Variants in CLEC2A observed in about 807,000 individuals in gnomAD.
CLEC2A encodes the protein C-type lectin domain family 2 member A.
In CLEC2A, 19 loss-of-function variants were observed where a neutral mutation model predicts 18.6. That is an observed-to-expected ratio of 1.02 (90% CI 0.71 to 1.50). CLEC2A has a LOEUF of 1.50. Ranked by LOEUF, CLEC2A falls within the 40% of genes most tolerant of loss-of-function variation. The pLI is 0.00. For missense variants in CLEC2A, 190 were observed against 207.9 expected (o/e 0.91, Z 0.53); for synonymous variants, 74 against 64.0 (o/e 1.16, Z -0.75).
At chr12:9,881,836 G>T in the CLEC2A span, among the ~76,000 whole-genome samples, 2 of 152,094 alleles carry the variant, frequency 1.3e-5, no homozygotes, top group Non-Finnish European at 2.9e-5. Context: ...ACAATAAAAA[G>T]TCTGCATTTT....
chr12:9,878,886 T>G, the CLEC2A span, among the ~76,000 whole-genome samples: 1 of 152,238 alleles, frequency 6.6e-6, no homozygotes, highest in East Asian at 1.9e-4. Flanking sequence ...GTGAACCGAT[T>G]TTTTAGGAGG....
chr12:9,886,917 G>A, the CLEC2A span, among the ~76,000 whole-genome samples: 1 of 152,118 alleles, frequency 6.6e-6, no homozygotes, highest in African/African-American at 2.4e-5. Context: ...GGAGTAGTGT[G>A]TAGGTCTACT....
chr12:9,926,037 A>G (rs1011405939), intron 2 of CLEC2A, among the ~76,000 whole-genome samples: 1 of 152,202 alleles, frequency 6.6e-6, no homozygotes, highest in Non-Finnish European at 1.5e-5. Flanking sequence ...TTAAGCATCA[A>G]GGACTATAAA....
At chr12:9,898,727 G>A (rs556182600) in exon 5 of CLEC2A, 2 of 499,246 alleles carry the variant, frequency 4.0e-6, no homozygotes, top group Admixed American at 6.0e-5. Flanking sequence ...CCTATTAACT[G>A]TGAATCAAAG....
chr12:9,888,206 G>A, the CLEC2A span, among the ~76,000 whole-genome samples: 1 of 151,318 alleles, frequency 6.6e-6, no homozygotes, highest in Non-Finnish European at 1.5e-5. Context: ...ATTTAGAATT[G>A]CAGGCCGGGC....
the CLEC2A span, among the ~76,000 whole-genome samples, chr12:9,889,792 G>A: frequency 2.0e-5 from 3 of 151,766 alleles, no homozygotes; most frequent in Non-Finnish European, 4.4e-5. Context: ...TAAGAACATA[G>A]GCTATAGAAC....
At chr12:9,924,471 T>C (rs970740066) in intron 2 of CLEC2A, among the ~76,000 whole-genome samples, 2 of 112,680 alleles carry the variant, frequency 1.8e-5, no homozygotes, top group Non-Finnish European at 3.7e-5. Context: ...CCCAACCCAA[T>C]CAAACCAAAA....
At chr12:9,893,629 C>A in the CLEC2A span, 31 of 492,918 alleles carry the variant, frequency 6.3e-5, no homozygotes, top group East Asian at 1.0e-3. Context: ...TTTTTTCCTT[C>A]TTTCTCTGTT....
At chr12:9,899,662 G>A (rs1862799284) in intron 4 of CLEC2A, among the ~76,000 whole-genome samples, 1 of 152,222 alleles carries the variant, frequency 6.6e-6, no homozygotes, top group Non-Finnish European at 1.5e-5. Context: ...TGAAGCAGGG[G>A]AGGCTAGAGA....
At chr12:9,904,204 C>T (rs947944581) in intron 4 of CLEC2A, among the ~76,000 whole-genome samples, 3 of 152,266 alleles carry the variant, frequency 2.0e-5, no homozygotes, top group East Asian at 3.9e-4. Flanking sequence ...GGATGGACCT[C>T]GGGGACTGAC....
downstream of CLEC2A, among the ~76,000 whole-genome samples, chr12:9,896,611 A>G (rs1392956515): frequency 6.6e-6 from 1 of 152,112 alleles, no homozygotes; most frequent in Non-Finnish European, 1.5e-5. Flanking sequence ...AAATGAAAAA[A>G]CTACAATAAC....
the CLEC2A span, chr12:9,884,963 C>A: frequency 7.6e-7 from 1 of 1,323,666 alleles, no homozygotes; most frequent in Non-Finnish European, 9.8e-7. Flanking sequence ...ATATTATTGT[C>A]TTCTGCTCAT....
chr12:9,904,348 C>A (rs1435216092), intron 4 of CLEC2A, among the ~76,000 whole-genome samples: 1 of 152,114 alleles, frequency 6.6e-6, no homozygotes, highest in Non-Finnish European at 1.5e-5. Context: ...CGAGTGGAAA[C>A]GGGATGATTT....
rs1211593364 is a variant in CLEC2A, at chr12:9,932,361, A to C, written c.-32T>G. ...GCGCTAACCGATGGAGATCAGTAGG[A>C]GAGGACTAGAAAGCTTTTCATGTAC... On this transcript the variant is annotated 5_prime_UTR_variant, in exon 1 of 5. Coordinates refer to ENST00000455827, the MANE Select transcript of CLEC2A (RefSeq NM_001130711.2). 3.2e-6 allele frequency: 5 copies of C among 1,550,936 alleles called. No individual in the cohort carries two copies. Among genetic ancestry groups the C allele is most frequent in the Non-Finnish European group, 2.6e-6 (3 of 1,146,442 alleles).
At chr12:9,928,866 G>A (rs523385) in intron 1 of CLEC2A, among the ~76,000 whole-genome samples, 43 of 152,126 alleles carry the variant, frequency 2.8e-4, no homozygotes, top group African/African-American at 1.0e-3. Flanking sequence ...AGGATATAGG[G>A]GAACCGAAAC....
At chr12:9,879,026 A>ATT in the CLEC2A span, among the ~76,000 whole-genome samples, 1 of 152,126 alleles carries the variant, frequency 6.6e-6, no homozygotes, top group Non-Finnish European at 1.5e-5. Context: ...AACGGCAATA[A>ATT]TTTGATTCTA....
At chr12:9,926,793 T>C (rs1863280336) in intron 1 of CLEC2A, among the ~76,000 whole-genome samples, 1 of 152,194 alleles carries the variant, frequency 6.6e-6, no homozygotes, top group African/African-American at 2.4e-5. Context: ...TATATTTTTC[T>C]TTATTCTTTA....
At chr12:9,925,069 A>G (rs1331640206) in intron 2 of CLEC2A, among the ~76,000 whole-genome samples, 3 of 152,158 alleles carry the variant, frequency 2.0e-5, no homozygotes, top group African/African-American at 7.2e-5. Context: ...GCCTTGCCAC[A>G]TTTTCATAAT....
the CLEC2A span, among the ~76,000 whole-genome samples, chr12:9,886,981 C>G: frequency 1.3e-5 from 2 of 151,530 alleles, no homozygotes; most frequent in Non-Finnish European, 2.9e-5. Context: ...TGGTAGCTAA[C>G]CAAATATCCC....
Sources: gnomAD v4.1 joint callset for allele counts (sites outside exome capture counted in the v4.1 genomes callset) on GRCh38, gnomAD v4.1.1 for gene constraint, MANE v1.5 for transcripts, NCBI Gene and HGNC (gene_info 2026-07-23, HGNC 2026-07-21) for gene names.